SGK1: variants seen among roughly 807,000 people sequenced by gnomAD.
SGK1 encodes serine/threonine-protein kinase Sgk1.
In SGK1, 26 loss-of-function variants were observed where a neutral mutation model predicts 64.2. The ratio of observed to expected loss-of-function variants is 0.40; its 90% CI spans 0.30 to 0.56. The LOEUF (loss-of-function observed/expected upper bound fraction) is 0.56, where lower values mean the gene tolerates loss of function less well. Among genes scored for constraint, SGK1 ranks in the 20% least tolerant of loss-of-function variants. The pLI is 0.38. For missense variants in SGK1, 519 were observed against 645.6 expected, an observed-to-expected ratio of 0.80 and a Z score of 2.12; for synonymous variants, 265 against 239.7, an observed-to-expected ratio of 1.11 and a Z score of -0.98.
chr6:134,297,270 T>A, intron 1 of SGK1: 1 of 1,252,736 alleles, frequency 8.0e-7, no homozygotes, highest in Non-Finnish European at 1.2e-6. Flanking sequence ...GATCTCAATG[T>A]CCAGGGCCAG....
chr6:134,205,492 T>G (rs904436720), intron 3 of SGK1, among the ~76,000 whole-genome samples: 1 of 151,824 alleles, frequency 6.6e-6, no homozygotes, highest in Non-Finnish European at 1.5e-5. Flanking sequence ...TTTCTGCTAA[T>G]AGGCACAGCC....
chr6:134,300,433 G>C (rs1294503650), intron 1 of SGK1, among the ~76,000 whole-genome samples: 1 of 151,008 alleles, frequency 6.6e-6, no homozygotes, highest in Non-Finnish European at 1.5e-5. Flanking sequence ...AGCTACTCGG[G>C]AGGCTGTGGC....
intron 1 of SGK1, among the ~76,000 whole-genome samples, chr6:134,281,677 A>G (rs1234929141): frequency 1.3e-5 from 2 of 151,950 alleles, no homozygotes; most frequent in Non-Finnish European, 2.9e-5. Flanking sequence ...CACCACACCC[A>G]GCTAACTTTT....
chr6:134,300,319 A>ACT (rs1777428870), intron 1 of SGK1, among the ~76,000 whole-genome samples: 2 of 151,842 alleles, frequency 1.3e-5, no homozygotes, highest in African/African-American at 4.8e-5. Flanking sequence ...CGGGCAGATC[A>ACT]CGAGGTCAGA....
intron 3 of SGK1, among the ~76,000 whole-genome samples, chr6:134,204,791 T>C (rs1775741809): frequency 6.6e-6 from 1 of 152,100 alleles, no homozygotes; most frequent in South Asian, 2.1e-4. Context: ...TGACCTCAGG[T>C]GATCCACCCA....
chr6:134,171,786 C>T (rs1562236668), intron 10 of SGK1, 54 bp from the exon 11 acceptor site: 4 of 1,133,590 alleles, frequency 3.5e-6, no homozygotes, highest in Non-Finnish European at 4.0e-6. Context: ...CAAGCAATCC[C>T]ACGACCACAC....
chr6:134,265,605 ATT>A (rs1421457760), intron 1 of SGK1, among the ~76,000 whole-genome samples: 3 of 142,892 alleles, frequency 2.1e-5, no homozygotes, highest in African/African-American at 7.9e-5. Flanking sequence ...ATACATATAT[ATT>A]TTATATATAT....
chr6:134,169,406 T>G lies in SGK1; in HGVS notation c.*862A>C, dbSNP rs1774934028. 1 of 152,564 alleles carries G rather than the reference T, an allele frequency of 6.6e-6. No individual in the cohort carries two copies. Among genetic ancestry groups the G allele is most frequent in the South Asian group, 2.1e-4 (1 of 4,834 alleles). The allele number at this position is 152,564 out of a possible 1,614,324, so 9.5% of individuals were successfully genotyped here. ...TTACATTACAAATAAGCCTGTAAGT[T>G]TAAATATACTAGTGTTATAACCCAA... On this transcript the variant is annotated 3_prime_UTR_variant, in exon 14 of 14. Coordinates refer to ENST00000367858, the MANE Select transcript of SGK1 (RefSeq NM_001143676.3).
chr6:134,286,057 T>A (rs1409442056), intron 1 of SGK1, among the ~76,000 whole-genome samples: 1 of 152,336 alleles, frequency 6.6e-6, no homozygotes, highest in African/African-American at 2.4e-5. Context: ...GGCTGTAGAC[T>A]GATGACTACA....
chr6:134,173,293 G>A lies in SGK1; in HGVS notation c.683C>T (p.Ala228Val), dbSNP rs756911963. 30 of 1,613,204 alleles carry A rather than the reference G, an allele frequency of 1.9e-5. No individual in the cohort carries two copies. Among genetic ancestry groups the A allele is most frequent in the Non-Finnish European group, 8.5e-7 (1 of 1,179,320 alleles). The change falls in exon 7 of 14, where the codon GCA (alanine) becomes GTA (valine). Residue 228 changes from alanine (A) to valine (V), a missense_variant. By Grantham distance (64) the Ala-to-Val change is moderately conservative (BLOSUM62 0). Around this residue, in one of 2 missense-constraint regions of SGK1, gnomAD observed 278 missense variants for 408.7 expected, o/e 0.68. Coordinates refer to ENST00000367858, the MANE Select transcript of SGK1 (RefSeq NM_001143676.3). The stretch of plus-strand genomic sequence containing the variant: ...TCATACCTCTTTCTTTTTCAGGATT[G>A]CTTTCTTCTGTAAAACTTTGACTGC... Reference protein sequence around the residue: ...FYAVKVLQKKAILKKKEEKHI... With the variant: ...FYAVKVLQKKVILKKKEEKHI...
At chr6:134,215,130 C>CTTTTTT (rs780554551) in intron 2 of SGK1, 23 of 345,568 alleles carry the variant, frequency 6.7e-5, no homozygotes, top group African/African-American at 1.3e-4. Context: ...TTCTTTCTTT[C>CTTTTTT]TTTCTTTTTT....
At chr6:134,252,568 G>A in intron 2 of SGK1, among the ~76,000 whole-genome samples, 1 of 114,872 alleles carries the variant, frequency 8.7e-6, no homozygotes. Flanking sequence ...AAAAAAAATT[G>A]ATTGCGCCAC....
At chr6:134,248,967 A>T (rs1227387019) in intron 2 of SGK1, among the ~76,000 whole-genome samples, 2 of 152,146 alleles carry the variant, frequency 1.3e-5, no homozygotes, top group Non-Finnish European at 2.9e-5. Flanking sequence ...AAACTTGGTA[A>T]ATAACCAAGA....
intron 3 of SGK1, among the ~76,000 whole-genome samples, chr6:134,198,693 T>C (rs1775631884): frequency 8.8e-6 from 1 of 114,036 alleles, no homozygotes; most frequent in African/African-American, 2.8e-5. Context: ...TACCACTTTA[T>C]AGTGATTTTT....
rs1777007982 is a variant in SGK1 at position 134,275,689 on chromosome 6, G to T, written c.70-13541C>A. On this transcript the variant is annotated intron_variant, in intron 1 of 13. Transcript: ENST00000367858. ...CTAAATGGTAAAATCTAAATATCTT[G>T]GCCTGGGAGACCAAGTCTCCTAGGG... Among the ~76,000 whole-genome samples, 3 of 152,048 alleles carry T rather than the reference G, an allele frequency of 2.0e-5. No individual in the cohort carries two copies. The South Asian group carries it at 6.2e-4, about 32-fold the overall frequency.
intron 2 of SGK1, among the ~76,000 whole-genome samples, chr6:134,243,307 C>T (rs988319378): frequency 6.6e-5 from 10 of 151,656 alleles, no homozygotes; most frequent in African/African-American, 2.4e-4. Flanking sequence ...TTCATTATGT[C>T]CTTTGGAAAC....
chr6:134,239,951 A>G (rs990786855), intron 2 of SGK1, among the ~76,000 whole-genome samples: 1 of 152,166 alleles, frequency 6.6e-6, no homozygotes, highest in African/African-American at 2.4e-5. Flanking sequence ...GGAGAGCATG[A>G]CAGGGATGGG....
Position 134,171,405 on chromosome 6 carries a change from T to C in SGK1, c.1168-227A>G, listed in dbSNP as rs113901059. 926 of 611,180 alleles carry C rather than the reference T, an allele frequency of 1.5e-3. 6 individuals carry two copies. In the African/African-American group the frequency reaches 0.015, roughly 10 times the overall value. 37.9% of individuals were successfully genotyped at this position (611,180 alleles called of 1,614,324 possible). On this transcript the variant is annotated intron_variant, in intron 11 of 13. Coordinates refer to ENST00000367858, the MANE Select transcript of SGK1 (RefSeq NM_001143676.3). ...TGAGGGGGTAGATGTTAATAAGTGGTAGTTTTTCACCACCACACAGGTTCA... is the reference window on the plus strand; with the variant it reads ...TGAGGGGGTAGATGTTAATAAGTGGCAGTTTTTCACCACCACACAGGTTCA...
intron 2 of SGK1, among the ~76,000 whole-genome samples, chr6:134,252,818 G>C (rs1211486119): frequency 1.3e-5 from 2 of 152,068 alleles, no homozygotes; most frequent in South Asian, 4.1e-4. Flanking sequence ...TCTCTCCAGA[G>C]ACCATAATAC....
Sources: allele counts gnomAD v4.1 joint callset (sites outside exome capture counted in the v4.1 genomes callset), GRCh38; gene constraint gnomAD v4.1.1; regional missense constraint gnomAD v4.1.1; transcripts MANE v1.5; gene names NCBI Gene and HGNC (gene_info 2026-07-23, HGNC 2026-07-21).